DLGAP2: variants seen among roughly 807,000 people sequenced by gnomAD.
The protein encoded by DLGAP2 is DLG associated protein 2.
Under a neutral mutation model 100.3 loss-of-function variants are expected in DLGAP2, and 26 were observed. The ratio of observed to expected loss-of-function variants is 0.26; its 90% CI spans 0.19 to 0.36. The LOEUF is 0.36. Among genes scored for constraint, DLGAP2 ranks in the 10% least tolerant of loss-of-function variants. DLGAP2 has a pLI of 1.00. For synonymous variants in DLGAP2, 886 were observed against 630.1 expected, an observed-to-expected ratio of 1.41 and a Z score of -6.08; for missense variants, 1,858 against 1,453.2, an observed-to-expected ratio of 1.28 and a Z score of -4.53.
chr8:1,652,582 A>C (rs761910343), intron 8 of DLGAP2, among the ~76,000 whole-genome samples: 2 of 152,170 alleles, frequency 1.3e-5, no homozygotes, highest in Non-Finnish European at 2.9e-5. Flanking sequence ...GTAGAGAATA[A>C]AACCCTCTGT....
chr8:966,598 G>C (rs570523025), intron 2 of DLGAP2, among the ~76,000 whole-genome samples: 1 of 152,204 alleles, frequency 6.6e-6, no homozygotes, highest in South Asian at 2.1e-4. Context: ...GTAATGATTA[G>C]TTTATGCTAT....
intron 3 of DLGAP2, among the ~76,000 whole-genome samples, chr8:1,265,872 A>C (rs548360594): frequency 2.2e-4 from 34 of 152,308 alleles, no homozygotes; most frequent in African/African-American, 7.5e-4. Flanking sequence ...GAGGGGAGAG[A>C]AAAAGGCTCA....
At chr8:1,287,056 A>T (rs1391025920) in intron 3 of DLGAP2, among the ~76,000 whole-genome samples, 2 of 152,164 alleles carry the variant, frequency 1.3e-5, no homozygotes, top group African/African-American at 4.8e-5. Flanking sequence ...GTGTGTGTAC[A>T]TGGTTCTATT....
intron 3 of DLGAP2, among the ~76,000 whole-genome samples, chr8:1,431,538 G>A (rs893260269): frequency 2.0e-5 from 3 of 152,184 alleles, no homozygotes; most frequent in East Asian, 3.9e-4. Flanking sequence ...GCTGCCTGGC[G>A]CTCAGCAGCC....
chr8:965,248 C>T lies in DLGAP2; in HGVS notation c.73+57282C>T, dbSNP rs550525085. On this transcript the variant is annotated intron_variant, in intron 2 of 14. Coordinates refer to ENST00000637795, the MANE Select transcript of DLGAP2 (RefSeq NM_001346810.2). ...ACTGCACACGGCACTGTTCACCTCACACGGCTCCTGAGCCCAACCCCCGCG... is the reference window on the plus strand; with the variant it reads ...ACTGCACACGGCACTGTTCACCTCATACGGCTCCTGAGCCCAACCCCCGCG... Among the ~76,000 whole-genome samples, 14 of 144,730 alleles carry T rather than the reference C, an allele frequency of 9.7e-5. 1 individual carries two copies. Among genetic ancestry groups the T allele is most frequent in the African/African-American group, 3.4e-4 (13 of 38,086 alleles). The allele number at this position is 144,730 out of a possible 152,430, so 94.9% of individuals were successfully genotyped here. A position where few individuals can be genotyped will look rare whatever the true frequency, so the allele number is the denominator to read the frequency against.
At chr8:1,231,761 G>A (rs983756719) in intron 2 of DLGAP2, among the ~76,000 whole-genome samples, 7 of 152,112 alleles carry the variant, frequency 4.6e-5, no homozygotes, top group Admixed American at 3.9e-4. Context: ...TCATTTGGAA[G>A]TATGGATATA....
intron 6 of DLGAP2, chr8:1,619,788 C>T (rs915305697): frequency 1.3e-5 from 2 of 152,164 alleles, no homozygotes; most frequent in African/African-American, 4.8e-5. Context: ...CAAATGACAC[C>T]GTTGGCGAGA....
chr8:1,571,357 A>C (rs1435637013), intron 6 of DLGAP2, among the ~76,000 whole-genome samples: 33 of 94,640 alleles, frequency 3.5e-4, no homozygotes, highest in Admixed American at 6.0e-4. Flanking sequence ...GGGGCATCTG[A>C]TGAGATGGAG....
rs566695446 is a variant in DLGAP2 at position 1,647,195 on chromosome 8, C to T, written c.1810+14149C>T. On this transcript the variant is annotated intron_variant, in intron 8 of 14. Transcript: ENST00000637795. ...TTGCTGGATCTGGAACTGAAGTCTC[C>T]AAGCTAGAGTCCATGACCCCAGGGG... Among the ~76,000 whole-genome samples the T allele has an allele frequency of 1.4e-3, 215 of 152,238 alleles. 2 individuals are homozygous for T. In the South Asian group the frequency reaches 0.019, roughly 13 times the overall value.
At chr8:1,326,878 T>C (rs1475998578) in intron 3 of DLGAP2, among the ~76,000 whole-genome samples, 1 of 152,226 alleles carries the variant, frequency 6.6e-6, no homozygotes, top group African/African-American at 2.4e-5. Context: ...TGGAAACATG[T>C]AAACACAGTG....
chr8:1,199,140 G>A (rs902424335), intron 2 of DLGAP2, among the ~76,000 whole-genome samples: 1 of 152,204 alleles, frequency 6.6e-6, no homozygotes, highest in Non-Finnish European at 1.5e-5. Flanking sequence ...AACAACAACC[G>A]CAGCAACAGT....
intron 8 of DLGAP2, among the ~76,000 whole-genome samples, chr8:1,636,255 C>G (rs1198965133): frequency 6.6e-6 from 1 of 152,094 alleles, no homozygotes; most frequent in Non-Finnish European, 1.5e-5. Flanking sequence ...AATGATTTTT[C>G]TCTGGGCCGG....
chr8:1,549,011 C>G lies in DLGAP2; in HGVS notation c.558C>G (p.Asn186Lys), dbSNP rs772063445. The G allele has an allele frequency of 4.4e-6, 7 of 1,597,980 alleles. No individual in the cohort carries two copies. In the Admixed American group the frequency reaches 1.0e-4, roughly 23 times the overall value. Residue 186 changes from asparagine to lysine, a missense_variant, in exon 5 of 15, where the codon AAC becomes AAG. Physicochemically the swap from Asn to Lys is moderately conservative, Grantham distance 94. Transcript: ENST00000637795. Reference sequence around the variant, plus strand: ...TGGCCCACGCGGGCGCCAAGATCAACCGCATCCCGGCCAACCTGCTGGACC... The same window carrying G: ...TGGCCCACGCGGGCGCCAAGATCAAGCGCATCCCGGCCAACCTGCTGGACC... ...CAVAHAGAKI[N>K]RIPANLLDQF...
intron 2 of DLGAP2, among the ~76,000 whole-genome samples, chr8:1,012,486 T>C (rs111782857): frequency 0.34 from 49,924 of 147,004 alleles, 8,413 homozygotes; most frequent in Admixed American, 0.39. Flanking sequence ...GGACACCGTC[T>C]GACCAGCCCC....
chr8:1,671,902 G>C (rs1203087792), intron 10 of DLGAP2, among the ~76,000 whole-genome samples: 1 of 152,260 alleles, frequency 6.6e-6, no homozygotes, highest in Non-Finnish European at 1.5e-5. Context: ...ATAAGGAGGA[G>C]AGCTTGTGGG....
Position 1,572,519 on chromosome 8 carries a change from G to A in DLGAP2, c.1442+6625G>A, listed in dbSNP as rs1366031450. Among the ~76,000 whole-genome samples, 5 of 136,416 alleles carry A rather than the reference G, an allele frequency of 3.7e-5. No individual in the cohort carries two copies. The East Asian group carries it at 9.6e-4, about 26-fold the overall frequency. 89.5% of individuals were successfully genotyped at this position (136,416 alleles called of 152,430 possible). ...GTGGGGGCATCTTCTGGGATGGAGA[G>A]GAGAGAGGGTGAACTGTGGGGGCGT... On this transcript the variant is annotated intron_variant, in intron 6 of 14. Transcript: ENST00000637795.
In DLGAP2 at chr8:1,702,563, G is replaced by T. The variant is rs1468045522; in HGVS notation, c.*1157G>T. ...AAAGTCGAGAATATATTCCTTGCCT[G>T]TGTTAGACATGAAGGGAAAAAGAGG... On this transcript the variant is annotated 3_prime_UTR_variant, in exon 15 of 15. Coordinates refer to ENST00000637795, the MANE Select transcript of DLGAP2 (RefSeq NM_001346810.2). 1 of 152,260 alleles carries T rather than the reference G, an allele frequency of 6.6e-6. No individual in the cohort carries two copies. 9.4% of individuals were successfully genotyped at this position (152,260 alleles called of 1,614,324 possible).
chr8:1,455,049 G>T (rs137859246), intron 3 of DLGAP2, among the ~76,000 whole-genome samples: 1 of 152,208 alleles, frequency 6.6e-6, no homozygotes, highest in African/African-American at 2.4e-5. Context: ...GGGGGATACC[G>T]GATGCAAGGA....
intron 3 of DLGAP2, among the ~76,000 whole-genome samples, chr8:1,420,131 T>C (rs1386422725): frequency 6.6e-6 from 1 of 152,170 alleles, no homozygotes; most frequent in Non-Finnish European, 1.5e-5. Flanking sequence ...CGGGAGGGGC[T>C]GGAAGTTCCA....
Sources: gnomAD v4.1 joint callset for allele counts (sites outside exome capture counted in the v4.1 genomes callset) on GRCh38, gnomAD v4.1.1 for gene constraint, MANE v1.5 for transcripts, NCBI Gene and HGNC (gene_info 2026-07-23, HGNC 2026-07-21) for gene names.